SH3GL2: variants seen among roughly 807,000 people sequenced by gnomAD.
SH3GL2 encodes the protein SH3 domain containing GRB2 like 2, endophilin A1, also known as endophilin-A1.
A neutral mutation model predicts 46.0 loss-of-function variants in SH3GL2; 24 were observed. The observed-to-expected ratio is 0.52, with a 90% CI of 0.38 to 0.73. The LOEUF is 0.73. SH3GL2 is among the 30% of genes least tolerant of loss of function. The probability of loss-of-function intolerance (pLI) is 0.00; values close to 1 mark genes in which losing one functional copy is unlikely to be tolerated. For synonymous variants in SH3GL2, 196 were observed against 147.1 expected (o/e 1.33, Z -2.40); for missense variants, 413 against 424.2 (o/e 0.97, Z 0.23).
chr9:17,681,957 G>GA (rs1320993059), intron 1 of SH3GL2, among the ~76,000 whole-genome samples: 2 of 152,108 alleles, frequency 1.3e-5, no homozygotes, highest in African/African-American at 4.8e-5. Context: ...CAACATCACT[G>GA]AAAAAAAGCT....
At chr9:17,699,819 A>G (rs1821301730) in intron 1 of SH3GL2, among the ~76,000 whole-genome samples, 1 of 152,266 alleles carries the variant, frequency 6.6e-6, no homozygotes, top group African/African-American at 2.4e-5. Context: ...TGGTGAATGC[A>G]TAGATCAGCA....
chr9:17,719,213 C>T (rs1205532826), intron 1 of SH3GL2, among the ~76,000 whole-genome samples: 3 of 152,092 alleles, frequency 2.0e-5, no homozygotes, highest in East Asian at 1.9e-4. Context: ...ACTACTTAGT[C>T]CTCTCTTAGC....
At position 17,786,494 on chromosome 9, in the gene SH3GL2, G is replaced by A. The variant is rs749411830; in HGVS notation, c.301G>A (p.Gly101Arg). The A allele has an allele frequency of 2.5e-6, 4 of 1,613,256 alleles. No individual in the cohort carries two copies. The highest frequency in any genetic ancestry group is 3.4e-6 in the Non-Finnish European group (4 of 1,179,632). ...ALLAEAMLKFGRELGDDCNFG... is the reference protein window; with the variant it reads ...ALLAEAMLKFRRELGDDCNFG... ...GCTGGCAGAGGCCATGCTCAAATTT[G>A]GAAGAGAGCTTGGAGATGATTGCAA... The change falls in exon 4 of 9, where the codon GGA (glycine) becomes AGA (arginine). Residue 101 changes from glycine (G) to arginine (R), a missense_variant. Gly to Arg is a moderately radical substitution (Grantham distance 125). Transcript: ENST00000380607.
chr9:17,711,818 T>C (rs1821632214), intron 1 of SH3GL2, among the ~76,000 whole-genome samples: 1 of 151,816 alleles, frequency 6.6e-6, no homozygotes, highest in Admixed American at 6.6e-5. Flanking sequence ...ATGTTTTCTT[T>C]AGGGTAAATC....
chr9:17,611,747 C>T (rs1004314486), intron 1 of SH3GL2, among the ~76,000 whole-genome samples: 5 of 152,188 alleles, frequency 3.3e-5, no homozygotes, highest in Admixed American at 6.5e-5. Flanking sequence ...TGCTACACCC[C>T]GTCAGGAGGA....
rs535950424 is a variant in SH3GL2 at position 17,730,422 on chromosome 9, C to T, written c.46-16644C>T. On this transcript the variant is annotated intron_variant, in intron 1 of 8. Coordinates refer to ENST00000380607, the MANE Select transcript of SH3GL2 (RefSeq NM_003026.5). ...TTTGCAGGCAGAGACAGTTTGAATT[C>T]GTCTCTTCCTGTTTGAATACACTTT... Among the ~76,000 whole-genome samples the T allele has an allele frequency of 1.3e-4, 20 of 152,176 alleles. 1 individual carries two copies. The South Asian group carries it at 3.5e-3, about 27-fold the overall frequency.
chr9:17,663,719 C>T (rs565508664), intron 1 of SH3GL2, among the ~76,000 whole-genome samples: 5 of 152,236 alleles, frequency 3.3e-5, no homozygotes, highest in East Asian at 3.9e-4. Context: ...GCTTCAGCAC[C>T]GCAGACTTTT....
chr9:17,793,244 TCCCAC>T, intron 7 of SH3GL2, 118 bp from the exon 8 acceptor site: 2 of 852,394 alleles, frequency 2.3e-6, no homozygotes, highest in Admixed American at 2.9e-5. Flanking sequence ...TTTTTTGATT[TCCCAC>T]ACTTCATCAT....
intron 3 of SH3GL2, among the ~76,000 whole-genome samples, chr9:17,785,012 C>G (rs150347024): frequency 1.1e-4 from 17 of 152,304 alleles, no homozygotes; most frequent in African/African-American, 3.8e-4. Flanking sequence ...CACACTTAGC[C>G]TGCATTTTCT....
intron 1 of SH3GL2, among the ~76,000 whole-genome samples, chr9:17,629,172 G>A (rs1217125544): frequency 6.6e-6 from 1 of 152,148 alleles, no homozygotes. Flanking sequence ...TCCATGAAGT[G>A]TGTGATCTGG....
intron 3 of SH3GL2, among the ~76,000 whole-genome samples, chr9:17,778,745 G>T (rs1296481396): frequency 1.3e-5 from 2 of 152,242 alleles, no homozygotes; most frequent in African/African-American, 2.4e-5. Flanking sequence ...GTGAGAAACA[G>T]TCTGATCCTA....
intron 1 of SH3GL2, among the ~76,000 whole-genome samples, chr9:17,628,541 T>G (rs1819343755): frequency 2.0e-5 from 3 of 152,090 alleles, no homozygotes; most frequent in African/African-American, 7.2e-5. Context: ...CTTCAGACAT[T>G]TTGATTTAAA....
At chr9:17,749,713 T>A (rs1822791321) in intron 2 of SH3GL2, among the ~76,000 whole-genome samples, 1 of 152,204 alleles carries the variant, frequency 6.6e-6, no homozygotes, top group Non-Finnish European at 1.5e-5. Context: ...ACTGAGCAAC[T>A]AATTAGACCT....
intron 1 of SH3GL2, among the ~76,000 whole-genome samples, chr9:17,628,411 G>GGTGT (rs3084633): frequency 0.018 from 2,573 of 143,722 alleles, 23 homozygotes; most frequent in Middle Eastern, 0.028. Flanking sequence ...CTATATCTTG[G>GGTGT]GTGTGTGTGT....
chr9:17,633,979 C>T (rs2134629897), intron 1 of SH3GL2, among the ~76,000 whole-genome samples: 2 of 152,292 alleles, frequency 1.3e-5, no homozygotes, highest in Middle Eastern at 3.4e-3. Context: ...TGACCATGTC[C>T]CTCTTCCTGC....
At chr9:17,772,818 T>G (rs1823528090) in intron 3 of SH3GL2, among the ~76,000 whole-genome samples, 1 of 152,196 alleles carries the variant, frequency 6.6e-6, no homozygotes, top group Non-Finnish European at 1.5e-5. Context: ...TATACAAATA[T>G]CACTCTGAAA....
chr9:17,606,728 A>G (rs533993273), intron 1 of SH3GL2, among the ~76,000 whole-genome samples: 64 of 152,244 alleles, frequency 4.2e-4, no homozygotes, highest in Non-Finnish European at 8.5e-4. Context: ...TCTCTTTGCT[A>G]AATTAGGGGA....
At position 17,760,055 on chromosome 9, in the gene SH3GL2, A is replaced by C. The variant is rs183738421; in HGVS notation, c.115-1382A>C. 3.9e-3 allele frequency among the ~76,000 whole-genome samples: 594 copies of C among 152,282 alleles called. 4 individuals are homozygous for C. Among genetic ancestry groups the C allele is most frequent in the African/African-American group, 0.014 (564 of 41,546 alleles). Reference sequence around the variant, plus strand: ...TAGGACCTTCACATATGGCTTCACAAGTTGTGTACTGCACAACTCCAGGGG... The same window carrying C: ...TAGGACCTTCACATATGGCTTCACACGTTGTGTACTGCACAACTCCAGGGG... On this transcript the variant is annotated intron_variant, in intron 2 of 8. Transcript: ENST00000380607.
chr9:17,680,214 C>T (rs1361051640), intron 1 of SH3GL2, among the ~76,000 whole-genome samples: 1 of 152,120 alleles, frequency 6.6e-6, no homozygotes, highest in Non-Finnish European at 1.5e-5. Flanking sequence ...GTACCAGCTC[C>T]TCTTTGTACC....
Sources: gnomAD v4.1 joint callset for allele counts (sites outside exome capture counted in the v4.1 genomes callset) on GRCh38, gnomAD v4.1.1 for gene constraint, MANE v1.5 for transcripts, NCBI Gene and HGNC (gene_info 2026-07-23, HGNC 2026-07-21) for gene names.